SEMA3A: variants seen among roughly 807,000 people sequenced by gnomAD.
SEMA3A encodes the protein semaphorin-3A.
Under a neutral mutation model 97.9 loss-of-function variants are expected in SEMA3A, and 29 were observed. That is an observed-to-expected ratio of 0.30 (90% confidence interval 0.22 to 0.40). The LOEUF (loss-of-function observed/expected upper bound fraction) is 0.40. Ranked by LOEUF, SEMA3A falls within the 10% of genes least tolerant of loss-of-function variation. The probability of loss-of-function intolerance (pLI) is 1.00; values close to 1 mark genes in which losing one functional copy is unlikely to be tolerated. For missense variants in SEMA3A, 763 were observed against 951.3 expected (o/e 0.80, Z 2.60); for synonymous variants, 321 against 323.7 (o/e 0.99, Z 0.09).
intron 1 of SEMA3A, among the ~76,000 whole-genome samples, chr7:84,446,152 T>C (rs1230923134): frequency 6.6e-6 from 1 of 152,186 alleles, no homozygotes; most frequent in Admixed American, 6.5e-5. Flanking sequence ...GACTAAATCT[T>C]GAAGAAATAG....
chr7:84,212,385 T>A (rs551653612), intron 3 of SEMA3A, among the ~76,000 whole-genome samples: 63 of 152,366 alleles, frequency 4.1e-4, no homozygotes, highest in African/African-American at 1.4e-3. Context: ...TTCTTTTAAA[T>A]GATTCAATTT....
chr7:84,101,276 AG>A (rs1794951204), intron 4 of SEMA3A, among the ~76,000 whole-genome samples: 1 of 119,742 alleles, frequency 8.4e-6, no homozygotes, highest in Admixed American at 9.3e-5. Context: ...ATGGATAACA[AG>A]AGGGGGTTCC....
At chr7:83,966,255 A>C (rs552047674) in intron 15 of SEMA3A, among the ~76,000 whole-genome samples, 4 of 152,190 alleles carry the variant, frequency 2.6e-5, no homozygotes, top group African/African-American at 7.2e-5. Flanking sequence ...AATCTAGACT[A>C]TAGACTATAG....
At chr7:84,298,452 C>A (rs1800920757) in intron 3 of SEMA3A, among the ~76,000 whole-genome samples, 1 of 152,070 alleles carries the variant, frequency 6.6e-6, no homozygotes, top group African/African-American at 2.4e-5. Flanking sequence ...TTTCAAGGAA[C>A]TGGGGGAATA....
At chr7:84,028,192 C>G (rs141409925) in intron 6 of SEMA3A, among the ~76,000 whole-genome samples, 6 of 152,128 alleles carry the variant, frequency 3.9e-5, no homozygotes, top group Admixed American at 6.5e-5. Context: ...AGGTTTATAG[C>G]TGTAAAATTA....
intron 3 of SEMA3A, among the ~76,000 whole-genome samples, chr7:84,207,208 C>T (rs1443206594): frequency 6.6e-6 from 1 of 152,186 alleles, no homozygotes; most frequent in Non-Finnish European, 1.5e-5. Flanking sequence ...TAGTAACATT[C>T]CTTTCACACA....
intron 1 of SEMA3A, among the ~76,000 whole-genome samples, chr7:84,419,345 T>A (rs2706913): frequency 1.3e-5 from 2 of 152,012 alleles, no homozygotes; most frequent in African/African-American, 4.8e-5. Context: ...CAATGTAGTA[T>A]ATCTTAAATG....
At chr7:84,402,569 T>C (rs1400632734) in intron 1 of SEMA3A, among the ~76,000 whole-genome samples, 2 of 152,172 alleles carry the variant, frequency 1.3e-5, no homozygotes, top group African/African-American at 4.8e-5. Flanking sequence ...GCACTATTTA[T>C]AACCAAGATA....
intron 3 of SEMA3A, among the ~76,000 whole-genome samples, chr7:84,120,223 AT>A (rs1795565433): frequency 6.6e-6 from 1 of 152,146 alleles, no homozygotes; most frequent in South Asian, 2.1e-4. Flanking sequence ...ATACCAACCT[AT>A]TTGGCTGTAT....
chr7:84,155,210 A>G (rs945193763), intron 1 of SEMA3A, among the ~76,000 whole-genome samples: 4 of 152,182 alleles, frequency 2.6e-5, no homozygotes, highest in African/African-American at 9.7e-5. Context: ...GAAGATTTTC[A>G]TGACGCAGGA....
At chr7:84,109,500 T>C (rs1795215473) in intron 4 of SEMA3A, among the ~76,000 whole-genome samples, 1 of 152,188 alleles carries the variant, frequency 6.6e-6, no homozygotes, top group Non-Finnish European at 1.5e-5. Context: ...ACAAAGAAGA[T>C]ATAACACAAA....
chr7:84,270,592 AATT>A (rs1358105294), intron 3 of SEMA3A, among the ~76,000 whole-genome samples: 1 of 147,562 alleles, frequency 6.8e-6, no homozygotes. Flanking sequence ...ATATATAAAT[AATT>A]ATTTATATAT....
intron 3 of SEMA3A, among the ~76,000 whole-genome samples, chr7:84,123,424 T>A (rs745416020): frequency 6.6e-6 from 1 of 152,178 alleles, no homozygotes; most frequent in African/African-American, 2.4e-5. Flanking sequence ...GAAAAATTCA[T>A]AAGCATTTCA....
At chr7:84,242,365 C>A (rs2116381935) in intron 3 of SEMA3A, among the ~76,000 whole-genome samples, 1 of 152,146 alleles carries the variant, frequency 6.6e-6, no homozygotes, top group East Asian at 1.9e-4. Flanking sequence ...AATTATATTC[C>A]TAGGTATTTA....
intron 1 of SEMA3A, among the ~76,000 whole-genome samples, chr7:84,416,074 C>A (rs540900960): frequency 5.3e-5 from 8 of 152,092 alleles, no homozygotes; most frequent in African/African-American, 1.9e-4. Context: ...TAATGTGGGA[C>A]TAATTTTAAA....
At chr7:84,127,687 A>G (rs1468107183) in intron 3 of SEMA3A, among the ~76,000 whole-genome samples, 1 of 152,170 alleles carries the variant, frequency 6.6e-6, no homozygotes, top group African/African-American at 2.4e-5. Flanking sequence ...TATAGGCAAC[A>G]TTGCTGCTAG....
At chr7:83,980,639 T>TATATAC (rs376148779) in intron 14 of SEMA3A, among the ~76,000 whole-genome samples, 355 of 88,208 alleles carry the variant, frequency 4.0e-3, no homozygotes, top group African/African-American at 0.016. Flanking sequence ...TATATATATA[T>TATATAC]ACACACACAC....
intron 1 of SEMA3A, among the ~76,000 whole-genome samples, chr7:84,402,422 G>A (rs897096374): frequency 2.0e-5 from 3 of 152,042 alleles, no homozygotes; most frequent in Non-Finnish European, 4.4e-5. Flanking sequence ...CAGCCATTAT[G>A]GAAAATAATA....
intron 1 of SEMA3A, among the ~76,000 whole-genome samples, chr7:84,144,827 G>A (rs1414595956): frequency 1.3e-5 from 2 of 152,078 alleles, no homozygotes; most frequent in Admixed American, 1.3e-4. Flanking sequence ...AACAAGGCGT[G>A]AATCAAAATC....
Sources: gnomAD v4.1 joint callset for allele counts (sites outside exome capture counted in the v4.1 genomes callset) on GRCh38, gnomAD v4.1.1 for gene constraint, MANE v1.5 for transcripts, NCBI Gene and HGNC (gene_info 2026-07-23, HGNC 2026-07-21) for gene names.